ARID4B: variants seen among roughly 807,000 people sequenced by gnomAD.
ARID4B encodes AT-rich interaction domain 4B.
In ARID4B, 26 loss-of-function variants were observed where a neutral mutation model predicts 147.5. The observed-to-expected ratio is 0.18, with a 90% CI of 0.13 to 0.24. The LOEUF (loss-of-function observed/expected upper bound fraction) is 0.24, where lower values mean the gene tolerates loss of function less well. ARID4B is among the 10% of genes least tolerant of loss of function. The pLI is 1.00. For missense variants in ARID4B, 1,179 were observed against 1,511.5 expected, an observed-to-expected ratio of 0.78 and a Z score of 3.65; for synonymous variants, 512 against 507.9, an observed-to-expected ratio of 1.01 and a Z score of -0.11.
Position 235,173,742 on chromosome 1 carries a change from TAAAAAAAAAAAAAAA to T in ARID4B, c.3665-993_3665-979del, listed in dbSNP as rs755815257. Among the ~76,000 whole-genome samples, 234 of 26,180 alleles carry T rather than the reference TAAAAAAAAAAAAAAA, an allele frequency of 8.9e-3. 7 individuals carry two copies. Among genetic ancestry groups the T allele is most frequent in the African/African-American group, 0.016 (106 of 6,582 alleles). 17.2% of individuals were successfully genotyped at this position (26,180 alleles called of 152,430 possible). ...AACATAATGAGACCTCGTCTCTATT[TAAAAAAAAAAAAAAA>T]AAAAAAAAAAAAAAATATATATATA... On this transcript the variant is annotated intron_variant, in intron 22 of 23. Coordinates refer to ENST00000264183, the MANE Select transcript of ARID4B (RefSeq NM_016374.6).
intron 19 of ARID4B, among the ~76,000 whole-genome samples, chr1:235,184,646 C>T (rs181074570): frequency 3.3e-5 from 5 of 152,248 alleles, no homozygotes; most frequent in African/African-American, 1.2e-4. Flanking sequence ...TGTGTGTCTG[C>T]ATGGCCACAT....
At chr1:235,220,007 A>C in intron 15 of ARID4B, 39 bp from the exon 16 acceptor site, 1 of 1,373,576 alleles carries the variant, frequency 7.3e-7, no homozygotes, top group Non-Finnish European at 9.7e-7. Context: ...ACAAAAGTAA[A>C]AATTTTCAAC....
At chr1:235,248,349 C>T (rs1033440259) in intron 6 of ARID4B, among the ~76,000 whole-genome samples, 15 of 152,118 alleles carry the variant, frequency 9.9e-5, no homozygotes, top group Admixed American at 9.2e-4. Context: ...CACACCCACC[C>T]GGAAAATCTA....
At chr1:235,299,036 T>C (rs1248377003) in intron 2 of ARID4B, among the ~76,000 whole-genome samples, 2 of 152,144 alleles carry the variant, frequency 1.3e-5, no homozygotes, top group Non-Finnish European at 2.9e-5. Flanking sequence ...AGAGGATGGC[T>C]TGAACCCAGG....
At chr1:235,244,361 A>G (rs984080300) in intron 7 of ARID4B, among the ~76,000 whole-genome samples, 2 of 152,186 alleles carry the variant, frequency 1.3e-5, no homozygotes, top group Non-Finnish European at 2.9e-5. Context: ...AAGTATTTCC[A>G]TAATTTCAGG....
At chr1:235,275,475 A>G (rs1201619993) in intron 2 of ARID4B, among the ~76,000 whole-genome samples, 3 of 152,202 alleles carry the variant, frequency 2.0e-5, no homozygotes. Context: ...TGCACATAAG[A>G]AACTGTGGGT....
intron 2 of ARID4B, among the ~76,000 whole-genome samples, chr1:235,291,779 C>G (rs1672355692): frequency 6.6e-6 from 1 of 152,136 alleles, no homozygotes; most frequent in Admixed American, 6.5e-5. Flanking sequence ...GAGGGGATCT[C>G]TATGTAATAA....
At chr1:235,253,183 T>C (rs1478225694) in intron 5 of ARID4B, among the ~76,000 whole-genome samples, 4 of 152,180 alleles carry the variant, frequency 2.6e-5, no homozygotes, top group Admixed American at 2.6e-4. Context: ...CTAAGAAAGA[T>C]TACAAGTATA....
chr1:235,185,316 A>AT (rs1386082775), intron 19 of ARID4B, among the ~76,000 whole-genome samples: 1 of 152,010 alleles, frequency 6.6e-6, no homozygotes, highest in Non-Finnish European at 1.5e-5. Flanking sequence ...ACAGCATTTT[A>AT]TTTTTCCAAG....
intron 2 of ARID4B, among the ~76,000 whole-genome samples, chr1:235,309,969 C>T (rs956694255): frequency 2.0e-5 from 3 of 151,982 alleles, no homozygotes; most frequent in African/African-American, 7.3e-5. Context: ...TAAACAGATG[C>T]TTGAAGGCAG....
intron 2 of ARID4B, among the ~76,000 whole-genome samples, chr1:235,278,757 T>G (rs1231249853): frequency 6.6e-6 from 1 of 152,076 alleles, no homozygotes; most frequent in Non-Finnish European, 1.5e-5. Context: ...GACAATGAAG[T>G]CTTCAATTGT....
intron 2 of ARID4B, among the ~76,000 whole-genome samples, chr1:235,309,131 C>A (rs548203226): frequency 6.6e-6 from 1 of 150,472 alleles, no homozygotes; most frequent in Non-Finnish European, 1.5e-5. Context: ...CCCGCCGCCC[C>A]GTCTGGGATG....
chr1:235,326,467 C>T (rs1253274397), intron 2 of ARID4B, among the ~76,000 whole-genome samples: 1 of 152,124 alleles, frequency 6.6e-6, no homozygotes. Context: ...CTTTTTAAAT[C>T]TTTCAATTAA....
chr1:235,289,551 T>A (rs1317221048), intron 2 of ARID4B, among the ~76,000 whole-genome samples: 1 of 151,832 alleles, frequency 6.6e-6, no homozygotes, highest in African/African-American at 2.4e-5. Context: ...TAGTGAGGCC[T>A]TATCTCTATT....
rs550125657 is a variant in ARID4B at position 235,183,365 on chromosome 1, C to T, written c.2126-572G>A. Among the ~76,000 whole-genome samples, 11 of 152,082 alleles carry T rather than the reference C, an allele frequency of 7.2e-5. No homozygotes were observed. In the South Asian group the frequency reaches 1.9e-3, roughly 26 times the overall value. ...CTGGGACTACAGGCGCCCACCACCACGCCCGGCTAATTTTTTGTATTTTTA... is the reference window on the plus strand; with the variant it reads ...CTGGGACTACAGGCGCCCACCACCATGCCCGGCTAATTTTTTGTATTTTTA... On this transcript the variant is annotated intron_variant, in intron 19 of 23. Coordinates refer to ENST00000264183, the MANE Select transcript of ARID4B (RefSeq NM_016374.6).
chr1:235,216,060 T>C (rs1667052698), intron 16 of ARID4B, among the ~76,000 whole-genome samples: 1 of 152,088 alleles, frequency 6.6e-6, no homozygotes, highest in Non-Finnish European at 1.5e-5. Flanking sequence ...AATGCTTTTT[T>C]ATTCTCCTTG....
intron 2 of ARID4B, among the ~76,000 whole-genome samples, chr1:235,308,732 C>T (rs1030692374): frequency 2.2e-4 from 34 of 152,226 alleles, no homozygotes; most frequent in Non-Finnish European, 2.9e-4. Context: ...CAGCCTCAGC[C>T]TCCCGAGGTG....
At chr1:235,281,427 T>C (rs555235789) in intron 2 of ARID4B, among the ~76,000 whole-genome samples, 2 of 152,130 alleles carry the variant, frequency 1.3e-5, no homozygotes, top group Non-Finnish European at 2.9e-5. Flanking sequence ...GGTGCATGCT[T>C]GTAGTCCCAG....
intron 2 of ARID4B, among the ~76,000 whole-genome samples, chr1:235,309,088 G>A (rs1159526705): frequency 1.3e-5 from 2 of 150,390 alleles, no homozygotes; most frequent in African/African-American, 2.5e-5. Flanking sequence ...CTGCCCGGCC[G>A]CCCATTGTCT....
Sources: gnomAD v4.1 joint callset for allele counts (sites outside exome capture counted in the v4.1 genomes callset) on GRCh38, gnomAD v4.1.1 for gene constraint, MANE v1.5 for transcripts, NCBI Gene and HGNC (gene_info 2026-07-23, HGNC 2026-07-21) for gene names.